Variants in PRKCA observed in about 807,000 individuals in gnomAD.
PRKCA encodes the protein protein kinase C alpha type.
Under a neutral mutation model 87.0 loss-of-function variants are expected in PRKCA, and 27 were observed. The ratio of observed to expected loss-of-function variants is 0.31; its 90% CI spans 0.23 to 0.43. The LOEUF is 0.43. Among genes scored for constraint, PRKCA ranks in the 20% least tolerant of loss-of-function variants. The probability of loss-of-function intolerance (pLI) is 1.00; values close to 1 mark genes in which losing one functional copy is unlikely to be tolerated. For synonymous variants in PRKCA, 329 were observed against 311.1 expected (o/e 1.06, Z -0.61); for missense variants, 518 against 852.3 (o/e 0.61, Z 4.88).
At chr17:66,787,012 A>C in intron 15 of PRKCA, 38 bp downstream of exon 15, 1 of 1,404,962 alleles carries the variant, frequency 7.1e-7, no homozygotes, top group South Asian at 1.2e-5. Context: ...TCATGGACCA[A>C]GAGCTTTGGT....
chr17:66,355,250 C>G (rs576657822), intron 2 of PRKCA, among the ~76,000 whole-genome samples: 2 of 152,232 alleles, frequency 1.3e-5, no homozygotes, highest in East Asian at 3.9e-4. Context: ...TGGCAGCCAA[C>G]CCAGATCCTT....
chr17:66,349,395 T>G (rs1255883249), intron 2 of PRKCA, among the ~76,000 whole-genome samples: 1 of 152,134 alleles, frequency 6.6e-6, no homozygotes, highest in Admixed American at 6.5e-5. Context: ...TGCACATGTC[T>G]TAGGGATGGA....
intron 13 of PRKCA, among the ~76,000 whole-genome samples, chr17:66,770,330 CA>C (rs1974905222): frequency 1.3e-5 from 2 of 152,210 alleles, no homozygotes; most frequent in Non-Finnish European, 2.9e-5. Flanking sequence ...GGAAATCTTC[CA>C]TGTAAACATT....
chr17:66,319,346 A>C (rs1905514420), intron 2 of PRKCA, among the ~76,000 whole-genome samples: 1 of 152,174 alleles, frequency 6.6e-6, no homozygotes, highest in African/African-American at 2.4e-5. Context: ...TTGTGATTTT[A>C]ATTTTGACAG....
intron 3 of PRKCA, among the ~76,000 whole-genome samples, chr17:66,559,864 G>C (rs1968627471): frequency 6.6e-6 from 1 of 152,180 alleles, no homozygotes; most frequent in African/African-American, 2.4e-5. Flanking sequence ...AACAGATTCA[G>C]ATCTAATGAG....
intron 6 of PRKCA, 84 bp from the exon 7 acceptor site, chr17:66,688,218 C>G: frequency 6.6e-7 from 1 of 1,514,678 alleles, no homozygotes; most frequent in Non-Finnish European, 8.9e-7. Context: ...TTCTTTATCT[C>G]AGGCTCGAGT....
chr17:66,429,960 G>A (rs541950143), intron 2 of PRKCA, among the ~76,000 whole-genome samples: 1 of 152,252 alleles, frequency 6.6e-6, no homozygotes, highest in African/African-American at 2.4e-5. Context: ...CAGCATCTCT[G>A]TGGTCTGTGT....
chr17:66,534,150 A>G (rs1366651149), intron 3 of PRKCA, among the ~76,000 whole-genome samples: 1 of 148,376 alleles, frequency 6.7e-6, no homozygotes, highest in Non-Finnish European at 1.5e-5. Flanking sequence ...GAAGCTGACC[A>G]CGATTCTTTG....
intron 3 of PRKCA, among the ~76,000 whole-genome samples, chr17:66,546,236 G>C (rs1007572550): frequency 2.0e-5 from 3 of 152,006 alleles, no homozygotes; most frequent in Non-Finnish European, 4.4e-5. Flanking sequence ...TCATCCTCTT[G>C]TTCCCTTTTT....
intron 2 of PRKCA, among the ~76,000 whole-genome samples, chr17:66,331,737 G>GCGAC (rs1906337208): frequency 6.6e-6 from 1 of 152,166 alleles, no homozygotes; most frequent in African/African-American, 2.4e-5. Flanking sequence ...GGGAAGTGGA[G>GCGAC]CGACCGAGAG....
chr17:66,310,367 C>T (rs926035402), intron 2 of PRKCA, among the ~76,000 whole-genome samples: 5 of 152,104 alleles, frequency 3.3e-5, no homozygotes, highest in Admixed American at 1.3e-4. Context: ...CCTGAATGAT[C>T]GTCACTGGAT....
intron 2 of PRKCA, among the ~76,000 whole-genome samples, chr17:66,493,067 G>T (rs1364645011): frequency 2.6e-5 from 4 of 152,162 alleles, no homozygotes; most frequent in African/African-American, 9.7e-5. Flanking sequence ...CTGGCTCTTT[G>T]TCTGCTCAAT....
chr17:66,366,506 A>G (rs1277886942), intron 2 of PRKCA, among the ~76,000 whole-genome samples: 1 of 152,234 alleles, frequency 6.6e-6, no homozygotes, highest in Non-Finnish European at 1.5e-5. Flanking sequence ...CAGAGAAAAC[A>G]CAATCTGGGA....
rs1555602396 is a variant in PRKCA at position 66,424,568 on chromosome 17, A to AAACAC, written c.206-71632_206-71631insACACA. Among the ~76,000 whole-genome samples, 22 of 142,056 alleles carry AAACAC rather than the reference A, an allele frequency of 1.5e-4. No individual in the cohort carries two copies. The East Asian group carries it at 1.7e-3, about 11-fold the overall frequency. The allele number at this position is 142,056 out of a possible 152,430, so 93.2% of individuals were successfully genotyped here. A position where few individuals can be genotyped will look rare whatever the true frequency, so the allele number is the denominator to read the frequency against. ...GGCAGCAGAGCACGACCCTGTCTCA[A>AAACAC]ACACACACACACACACACACACACA... On this transcript the variant is annotated intron_variant, in intron 2 of 16. Transcript: ENST00000413366.
chr17:66,546,443 T>C (rs894694375), intron 3 of PRKCA, among the ~76,000 whole-genome samples: 22 of 152,218 alleles, frequency 1.4e-4, no homozygotes, highest in Admixed American at 3.3e-4. Flanking sequence ...AGGGTCATGC[T>C]TCCTTTGAAG....
intron 3 of PRKCA, among the ~76,000 whole-genome samples, chr17:66,508,368 G>C (rs1307108748): frequency 6.6e-6 from 1 of 152,248 alleles, no homozygotes; most frequent in Non-Finnish European, 1.5e-5. Flanking sequence ...TGGCCACGAA[G>C]ATAACACTGC....
intron 2 of PRKCA, among the ~76,000 whole-genome samples, chr17:66,347,063 G>T (rs1342061475): frequency 6.6e-6 from 1 of 151,452 alleles, no homozygotes; most frequent in Non-Finnish European, 1.5e-5. Flanking sequence ...GGACTCTAAA[G>T]AGTTTTATTT....
At chr17:66,429,653 T>A (rs965785085) in intron 2 of PRKCA, among the ~76,000 whole-genome samples, 2 of 152,242 alleles carry the variant, frequency 1.3e-5, no homozygotes, top group Middle Eastern at 6.8e-3. Context: ...GCTGATTCTT[T>A]TCATAGAGGG....
chr17:66,608,281 G>A (rs1008345037), intron 3 of PRKCA, among the ~76,000 whole-genome samples: 3 of 152,090 alleles, frequency 2.0e-5, no homozygotes, highest in Non-Finnish European at 4.4e-5. Flanking sequence ...GTGGAGTGGA[G>A]GGCCTCACTC....
Sources: allele counts gnomAD v4.1 joint callset (sites outside exome capture counted in the v4.1 genomes callset), GRCh38; gene constraint gnomAD v4.1.1; transcripts MANE v1.5; gene names NCBI Gene and HGNC (gene_info 2026-07-23, HGNC 2026-07-21).